ZNF385B: variants seen among roughly 807,000 people sequenced by gnomAD.
ZNF385B encodes zinc finger protein 385B.
ZNF385B carries 23 observed loss-of-function variants against 39.2 expected under a neutral mutation model. The ratio of observed to expected loss-of-function variants is 0.59; its 90% CI spans 0.42 to 0.83. The LOEUF (loss-of-function observed/expected upper bound fraction) is 0.83. Among genes scored for constraint, ZNF385B ranks in the 40% least tolerant of loss-of-function variants. ZNF385B has a pLI of 0.00. For synonymous variants in ZNF385B, 205 were observed against 222.6 expected, an observed-to-expected ratio of 0.92 and a Z score of 0.70; for missense variants, 552 against 598.9, an observed-to-expected ratio of 0.92 and a Z score of 0.82.
At chr2:179,609,835 C>A (rs1689140960) in intron 3 of ZNF385B, among the ~76,000 whole-genome samples, 1 of 152,164 alleles carries the variant, frequency 6.6e-6, no homozygotes, top group Non-Finnish European at 1.5e-5. Context: ...TGTTGAGCAC[C>A]ATTTCATATA....
Position 179,443,147 on chromosome 2 carries a change from G to A in ZNF385B, c.*103C>T. On this transcript the variant is annotated 3_prime_UTR_variant, in exon 10 of 10. Coordinates refer to ENST00000410066, the MANE Select transcript of ZNF385B (RefSeq NM_152520.6). ...CTGGGTGGTGGGCTGCATTTTGTGG[G>A]TGAATGGGGGGTACTGCAACACAAA... The A allele has an allele frequency of 8.2e-7, 1 of 1,217,822 alleles. No individual in the cohort carries two copies. The highest frequency in any genetic ancestry group is 1.1e-6 in the Non-Finnish European group (1 of 875,716). 75.4% of individuals were successfully genotyped at this position (1,217,822 alleles called of 1,614,324 possible).
At chr2:179,791,236 G>A (rs1705309212) in intron 1 of ZNF385B, among the ~76,000 whole-genome samples, 1 of 152,112 alleles carries the variant, frequency 6.6e-6, no homozygotes, top group Non-Finnish European at 1.5e-5. Context: ...CAAATAATCG[G>A]AAATGAGCCC....
chr2:179,610,456 A>G (rs540430504), intron 3 of ZNF385B, among the ~76,000 whole-genome samples: 3 of 152,190 alleles, frequency 2.0e-5, no homozygotes, highest in African/African-American at 7.2e-5. Context: ...TGGTTACTAT[A>G]GATCTGTAAT....
chr2:179,752,800 T>C (rs1702762546), intron 3 of ZNF385B, among the ~76,000 whole-genome samples: 1 of 152,088 alleles, frequency 6.6e-6, no homozygotes, highest in Non-Finnish European at 1.5e-5. Flanking sequence ...TCTTGTAAAT[T>C]TGTTGGGAGT....
intron 3 of ZNF385B, among the ~76,000 whole-genome samples, chr2:179,735,912 TG>T (rs906484970): frequency 1.8e-4 from 26 of 144,994 alleles, no homozygotes; most frequent in African/African-American, 5.8e-4. Context: ...GGGATAGCAT[TG>T]GGAGATATAC....
chr2:179,719,697 T>C (rs1346769630), intron 3 of ZNF385B, among the ~76,000 whole-genome samples: 1 of 152,238 alleles, frequency 6.6e-6, no homozygotes, highest in Non-Finnish European at 1.5e-5. Flanking sequence ...CATGATTGCA[T>C]CAAATACATC....
At chr2:179,780,351 G>C (rs982575311) in intron 1 of ZNF385B, among the ~76,000 whole-genome samples, 5 of 152,140 alleles carry the variant, frequency 3.3e-5, no homozygotes, top group African/African-American at 1.2e-4. Flanking sequence ...TAAGGCACAG[G>C]AGTCCCAGAG....
intron 3 of ZNF385B, chr2:179,583,975 C>T (rs920023345): frequency 1.4e-5 from 18 of 1,297,534 alleles, no homozygotes; most frequent in Middle Eastern, 2.1e-4. Context: ...TCATATTTAC[C>T]GAGCATCTGC....
chr2:179,472,142 C>A (rs767131822), intron 6 of ZNF385B, among the ~76,000 whole-genome samples: 4 of 152,114 alleles, frequency 2.6e-5, no homozygotes, highest in African/African-American at 4.8e-5. Flanking sequence ...ATGAAGTTGC[C>A]TTCCAAAAGG....
At chr2:179,486,006 T>C (rs902588700) in intron 5 of ZNF385B, among the ~76,000 whole-genome samples, 2 of 152,066 alleles carry the variant, frequency 1.3e-5, no homozygotes, top group African/African-American at 4.8e-5. Context: ...TGTTGTTCTC[T>C]GTCAAGTTGG....
chr2:179,502,900 C>T (rs2056891773), intron 5 of ZNF385B, among the ~76,000 whole-genome samples: 1 of 152,118 alleles, frequency 6.6e-6, no homozygotes, highest in South Asian at 2.1e-4. Context: ...AAACTGCCAT[C>T]ATCTTTTGTT....
chr2:179,455,305 T>G (rs1204192276), intron 6 of ZNF385B, among the ~76,000 whole-genome samples: 1 of 152,014 alleles, frequency 6.6e-6, no homozygotes, highest in Non-Finnish European at 1.5e-5. Context: ...GATCTCATCT[T>G]GAGTTATAGT....
Position 179,590,594 on chromosome 2 carries a change from T to C in ZNF385B, c.299-45625A>G, listed in dbSNP as rs111406375. 3.7e-4 allele frequency among the ~76,000 whole-genome samples: 57 copies of C among 152,326 alleles called. 1 individual carries two copies. Among genetic ancestry groups the C allele is most frequent in the African/African-American group, 1.3e-3 (56 of 41,564 alleles). On this transcript the variant is annotated intron_variant, in intron 3 of 9. Coordinates refer to ENST00000410066, the MANE Select transcript of ZNF385B (RefSeq NM_152520.6). ...AGCTTCCCCTTGAGATAAATGTTTT[T>C]ACCTGACTGATATGGTTTGGCTCTG...
chr2:179,671,421 G>A (rs969607074), intron 3 of ZNF385B, among the ~76,000 whole-genome samples: 4 of 152,140 alleles, frequency 2.6e-5, no homozygotes, highest in South Asian at 2.1e-4. Context: ...AAACCTTTGC[G>A]AAATTCAGAA....
chr2:179,776,985 T>C (rs1704360033), intron 1 of ZNF385B, among the ~76,000 whole-genome samples: 1 of 152,100 alleles, frequency 6.6e-6, no homozygotes, highest in African/African-American at 2.4e-5. Flanking sequence ...AGGTTCTCCA[T>C]AAATCTTTGA....
At chr2:179,766,434 T>A (rs62180391) in intron 3 of ZNF385B, among the ~76,000 whole-genome samples, 8,554 of 152,218 alleles carry the variant, frequency 0.056, 314 homozygotes, top group Middle Eastern at 0.1. Context: ...TGGCTTACAC[T>A]ACAGAAATTT....
At chr2:179,754,261 C>T (rs886981888) in intron 3 of ZNF385B, among the ~76,000 whole-genome samples, 2 of 152,254 alleles carry the variant, frequency 1.3e-5, no homozygotes, top group Admixed American at 6.5e-5. Context: ...GTTGAACCAG[C>T]CTTGCATCCC....
intron 3 of ZNF385B, among the ~76,000 whole-genome samples, chr2:179,553,006 A>G (rs1238164890): frequency 6.7e-6 from 1 of 149,272 alleles, no homozygotes; most frequent in African/African-American, 2.5e-5. Flanking sequence ...GCCCAACTTC[A>G]TATAGTTTGT....
intron 3 of ZNF385B, among the ~76,000 whole-genome samples, chr2:179,647,317 T>C (rs1364716403): frequency 6.6e-6 from 1 of 152,122 alleles, no homozygotes; most frequent in Non-Finnish European, 1.5e-5. Flanking sequence ...ATGTGGTACA[T>C]CAACATTTTG....
Sources: gnomAD v4.1 joint callset for allele counts (sites outside exome capture counted in the v4.1 genomes callset) on GRCh38, gnomAD v4.1.1 for gene constraint, MANE v1.5 for transcripts, NCBI Gene and HGNC (gene_info 2026-07-23, HGNC 2026-07-21) for gene names.